Variants in ZNF385D observed in about 807,000 individuals in gnomAD.
The protein encoded by ZNF385D is zinc finger protein 659.
A neutral mutation model predicts 35.8 loss-of-function variants in ZNF385D; 15 were observed. The ratio of observed to expected loss-of-function variants is 0.42; its 90% CI spans 0.28 to 0.64. The LOEUF (loss-of-function observed/expected upper bound fraction) is 0.64, where lower values mean the gene tolerates loss of function less well. Ranked by LOEUF, ZNF385D falls within the 30% of genes least tolerant of loss-of-function variation. The pLI is 0.23. For missense variants in ZNF385D, 474 were observed against 494.6 expected, an observed-to-expected ratio of 0.96 and a Z score of 0.39; for synonymous variants, 212 against 186.8, an observed-to-expected ratio of 1.13 and a Z score of -1.10.
At chr3:21,478,578 C>T (rs552312464) in intron 4 of ZNF385D, among the ~76,000 whole-genome samples, 2 of 152,270 alleles carry the variant, frequency 1.3e-5, no homozygotes, top group East Asian at 1.9e-4. Flanking sequence ...TGGGAGTCAT[C>T]TATTACTATA....
intron 3 of ZNF385D, among the ~76,000 whole-genome samples, chr3:22,109,109 C>G (rs1576335226): frequency 6.6e-6 from 1 of 152,148 alleles, no homozygotes; most frequent in Admixed American, 6.6e-5. Flanking sequence ...CCCCTCTTCA[C>G]TGAGGTGTGC....
rs537074512 is a variant in ZNF385D at position 21,943,004 on chromosome 3, C to T, written c.325+225813G>A. Among the ~76,000 whole-genome samples, 8 of 152,130 alleles carry T rather than the reference C, an allele frequency of 5.3e-5. No homozygotes were observed. In the East Asian group the frequency reaches 1.4e-3, roughly 26 times the overall value. On this transcript the variant is annotated intron_variant, in intron 3 of 5. Coordinates refer to the ZNF385D transcript ENST00000494108. ...GAATCTTCATGACAATGGTTAAGAA[C>T]TTATAAATGTAATATTACTTCACAT...
intron 2 of ZNF385D, among the ~76,000 whole-genome samples, chr3:22,269,072 T>C (rs1300197779): frequency 6.6e-6 from 1 of 151,922 alleles, no homozygotes; most frequent in African/African-American, 2.4e-5. Context: ...CTTCTTCTTG[T>C]CATCAGTAAA....
chr3:22,006,080 G>A (rs1696179232), intron 3 of ZNF385D, among the ~76,000 whole-genome samples: 1 of 152,120 alleles, frequency 6.6e-6, no homozygotes, highest in South Asian at 2.1e-4. Flanking sequence ...AGGGTAGTCA[G>A]TCACCTCCTG....
chr3:21,974,597 T>C (rs1703476206), intron 3 of ZNF385D, among the ~76,000 whole-genome samples: 1 of 151,994 alleles, frequency 6.6e-6, no homozygotes, highest in African/African-American at 2.4e-5. Flanking sequence ...AAACAGCTCC[T>C]GCACAGTAAA....
In ZNF385D at chr3:22,187,601, G is replaced by T. The variant is rs572168125; in HGVS notation, c.107-18566C>A. Among the ~76,000 whole-genome samples the T allele has an allele frequency of 2.0e-5, 3 of 152,024 alleles. No individual in the cohort carries two copies. In the South Asian group the frequency reaches 6.2e-4, roughly 32 times the overall value. On this transcript the variant is annotated intron_variant, in intron 2 of 5. Transcript: ENST00000494108. ...AGTGAAGAAACCAGAAGGGAACAAA[G>T]TTCTCATGAGGAATACTTACACATT...
At chr3:21,780,060 G>C (rs1387783393) in intron 3 of ZNF385D, among the ~76,000 whole-genome samples, 1 of 151,900 alleles carries the variant, frequency 6.6e-6, no homozygotes, top group African/African-American at 2.4e-5. Context: ...GATTTGACTA[G>C]CAAATTAGTG....
chr3:21,846,003 C>G (rs957896956), intron 3 of ZNF385D, among the ~76,000 whole-genome samples: 1 of 152,042 alleles, frequency 6.6e-6, no homozygotes, highest in African/African-American at 2.4e-5. Flanking sequence ...CTACGCTACA[C>G]TTCTGAAGGC....
At chr3:21,725,961 T>C (rs1401440958) in intron 1 of ZNF385D, among the ~76,000 whole-genome samples, 1 of 152,058 alleles carries the variant, frequency 6.6e-6, no homozygotes, top group Non-Finnish European at 1.5e-5. Context: ...CAGCAGCACA[T>C]CAAAAAGTTT....
At chr3:22,046,822 AATTT>A (rs1431127998) in intron 3 of ZNF385D, among the ~76,000 whole-genome samples, 2 of 152,154 alleles carry the variant, frequency 1.3e-5, no homozygotes, top group Non-Finnish European at 2.9e-5. Flanking sequence ...TTGGAGAAAC[AATTT>A]ATTTTATATT....
At chr3:21,721,511 T>A (rs565599514) in intron 1 of ZNF385D, among the ~76,000 whole-genome samples, 134 of 152,132 alleles carry the variant, frequency 8.8e-4, no homozygotes, top group Non-Finnish European at 1.8e-3. Context: ...AAAAAGTAAC[T>A]TATTTTTTTG....
chr3:22,112,582 G>C (rs1184426735), intron 3 of ZNF385D, among the ~76,000 whole-genome samples: 1 of 152,028 alleles, frequency 6.6e-6, no homozygotes, highest in Admixed American at 6.6e-5. Context: ...CTATGTAAGT[G>C]TTATGACTTA....
chr3:21,821,531 A>G (rs1045192308), intron 3 of ZNF385D, among the ~76,000 whole-genome samples: 9 of 152,240 alleles, frequency 5.9e-5, no homozygotes, highest in African/African-American at 2.2e-4. Context: ...ATGATTAACT[A>G]AACAAAAAAT....
chr3:21,929,662 A>G (rs1035720167), intron 3 of ZNF385D, among the ~76,000 whole-genome samples: 1 of 152,100 alleles, frequency 6.6e-6, no homozygotes, highest in Admixed American at 6.5e-5. Context: ...TATATTAGAA[A>G]GAAACATCTA....
At chr3:21,743,705 C>T (rs1439104081) in intron 1 of ZNF385D, among the ~76,000 whole-genome samples, 2 of 152,200 alleles carry the variant, frequency 1.3e-5, no homozygotes, top group Admixed American at 6.5e-5. Context: ...CTCCCACAGG[C>T]CCCACCTCCA....
At chr3:21,658,584 T>C (rs539224727) in intron 2 of ZNF385D, among the ~76,000 whole-genome samples, 5 of 142,716 alleles carry the variant, frequency 3.5e-5, no homozygotes, top group African/African-American at 1.2e-4. Context: ...ATTACCTATC[T>C]ACCTATATAT....
intron 3 of ZNF385D, among the ~76,000 whole-genome samples, chr3:22,160,608 ATTTAGCTTTTC>A (rs938279935): frequency 1.3e-5 from 2 of 152,128 alleles, no homozygotes; most frequent in Non-Finnish European, 2.9e-5. Flanking sequence ...TTAAAATTCT[ATTTAGCTTTTC>A]TGTTAAATGA....
intron 1 of ZNF385D, among the ~76,000 whole-genome samples, chr3:21,713,633 C>A (rs1328930352): frequency 1.3e-5 from 2 of 152,138 alleles, no homozygotes; most frequent in Non-Finnish European, 2.9e-5. Context: ...ATCACTGTCT[C>A]CTACACTACA....
At chr3:22,330,400 GAAT>G (rs1251854627) in intron 2 of ZNF385D, among the ~76,000 whole-genome samples, 2 of 151,962 alleles carry the variant, frequency 1.3e-5, no homozygotes, top group African/African-American at 4.8e-5. Context: ...AAGTATTTTG[GAAT>G]GTAGGTTTGC....
Sources: gnomAD v4.1 joint callset for allele counts (sites outside exome capture counted in the v4.1 genomes callset) on GRCh38, gnomAD v4.1.1 for gene constraint, MANE v1.5 for transcripts, NCBI Gene and HGNC (gene_info 2026-07-23, HGNC 2026-07-21) for gene names.